The following HERPUD1 variants were observed in gnomAD, a reference collection of about 807,000 sequenced individuals.
The protein encoded by HERPUD1 is homocysteine-responsive endoplasmic reticulum-resident ubiquitin-like domain member 1 protein.
A neutral mutation model predicts 45.0 loss-of-function variants in HERPUD1; 17 were observed. The ratio of observed to expected loss-of-function variants is 0.38; its 90% CI spans 0.26 to 0.57. The LOEUF is 0.57. Ranked by LOEUF, HERPUD1 falls within the 20% of genes least tolerant of loss-of-function variation. The probability of loss-of-function intolerance (pLI) is 0.72; values close to 1 mark genes in which losing one functional copy is unlikely to be tolerated. For synonymous variants in HERPUD1, 164 were observed against 177.5 expected (o/e 0.92, Z 0.61); for missense variants, 420 against 490.5 (o/e 0.86, Z 1.36).
chr16:56,935,056 A>AC (rs2055855417), intron 1 of HERPUD1, 179 bp from the exon 2 acceptor site: 6 of 585,766 alleles, frequency 1.0e-5, no homozygotes, highest in African/African-American at 5.6e-5. Flanking sequence ...GAGACCAGTT[A>AC]AAGTTAAGAC....
At chr16:56,942,020 T>C in intron 6 of HERPUD1, 112 bp from the exon 7 acceptor site, 1 of 788,452 alleles carries the variant, frequency 1.3e-6, no homozygotes. Flanking sequence ...AGATGGGTCT[T>C]GCAGTGAGCT....
intron 5 of HERPUD1, 121 bp from the exon 6 acceptor site, chr16:56,939,774 A>G: frequency 1.4e-6 from 1 of 729,308 alleles, no homozygotes; most frequent in Non-Finnish European, 2.2e-6. Context: ...AATTGAAGAA[A>G]AATCAAAGGC....
Position 56,935,416 on chromosome 16 carries a change from G to A in HERPUD1, c.241G>A (p.Val81Ile). 1 of 1,614,172 alleles carries A rather than the reference G, an allele frequency of 6.2e-7. No homozygotes were observed. The highest frequency in any genetic ancestry group is 8.5e-7 in the Non-Finnish European group (1 of 1,180,028). Reference sequence around the variant, plus strand: ...TTACTTTTAGCAGGAAAAACGGCATGTTTTGCATCTGGTGTGCAATGTGAA... The same window carrying A: ...TTACTTTTAGCAGGAAAAACGGCATATTTTGCATCTGGTGTGCAATGTGAA... ...DLLPKQEKRH[V>I]LHLVCNVKSP... Residue 81 changes from valine to isoleucine, a missense_variant, in exon 3 of 8, where the codon GTT becomes ATT. Coordinates refer to ENST00000439977, the MANE Select transcript of HERPUD1 (RefSeq NM_014685.4).
At chr16:56,933,689 T>G (rs2055844161) in intron 1 of HERPUD1, among the ~76,000 whole-genome samples, 1 of 152,250 alleles carries the variant, frequency 6.6e-6, no homozygotes, top group Non-Finnish European at 1.5e-5. Context: ...TTGTTTTCTG[T>G]AGTAGAAAAT....
At chr16:56,942,984 C>T in intron 7 of HERPUD1, 142 bp from the exon 8 acceptor site, 1 of 778,200 alleles carries the variant, frequency 1.3e-6, no homozygotes, top group Non-Finnish European at 2.1e-6. Flanking sequence ...GCATCATTCC[C>T]TGGGGTCCTG....
intron 6 of HERPUD1, chr16:56,940,526 G>A (rs1310792553): frequency 2.1e-5 from 7 of 328,722 alleles, no homozygotes; most frequent in Middle Eastern, 9.3e-4. Flanking sequence ...AGGTGGTCTC[G>A]AACTCCTGAC....
chr16:56,938,730 G>A (rs2055886099), intron 4 of HERPUD1, among the ~76,000 whole-genome samples: 1 of 152,154 alleles, frequency 6.6e-6, no homozygotes, highest in African/African-American at 2.4e-5. Flanking sequence ...CCAGCAGCCT[G>A]TACAGGACCC....
chr16:56,942,102 A>G (rs746415766), intron 6 of HERPUD1, 30 bp from the exon 7 acceptor site: 1 of 1,564,808 alleles, frequency 6.4e-7, no homozygotes, highest in South Asian at 1.1e-5. Context: ...GACATCAGCT[A>G]AGATGGACTT....
chr16:56,941,924 A>T, intron 6 of HERPUD1: 1 of 520,270 alleles, frequency 1.9e-6, no homozygotes, highest in South Asian at 2.4e-5. Context: ...TGGGTGTGCA[A>T]TGATGAATAA....
rs530227711 is a variant in HERPUD1, at chr16:56,933,221, G to A, written c.147+830G>A. 28 of 455,578 alleles carry A rather than the reference G, an allele frequency of 6.1e-5. 1 individual carries two copies. The Admixed American group carries it at 6.6e-4, about 11-fold the overall frequency. 28.2% of individuals were successfully genotyped at this position (455,578 alleles called of 1,614,324 possible). On this transcript the variant is annotated intron_variant, in intron 1 of 7. Transcript: ENST00000439977. ...ATAATTCTTCATCACACAGGAGAGG[G>A]CATCCGGGCAGGAAAAGATAGTGAA...
intron 1 of HERPUD1, chr16:56,934,856 C>G: frequency 4.5e-6 from 1 of 221,816 alleles, no homozygotes; most frequent in South Asian, 6.3e-5. Flanking sequence ...GGGTTACAGG[C>G]ACAAGCCACC....
intron 6 of HERPUD1, 191 bp from the exon 7 acceptor site, chr16:56,941,941 G>C (rs1413387188): frequency 1.8e-6 from 1 of 552,856 alleles, no homozygotes; most frequent in Non-Finnish European, 3.2e-6. Context: ...ATAAAACACA[G>C]TCCCTGCCTT....
Position 56,935,332 on chromosome 16 carries a change from A to G in HERPUD1, c.225+20A>G. On this transcript the variant is annotated intron_variant, in intron 2 of 7. Coordinates refer to ENST00000439977, the MANE Select transcript of HERPUD1 (RefSeq NM_014685.4). ...CCAAAGGTACATCACTTACACATTAACTTCTGAATGTTTTTAAGCACTCAC... is the reference window on the plus strand; with the variant it reads ...CCAAAGGTACATCACTTACACATTAGCTTCTGAATGTTTTTAAGCACTCAC... 1 of 1,612,204 alleles carries G rather than the reference A, an allele frequency of 6.2e-7. No individual in the cohort carries two copies. Among genetic ancestry groups the G allele is most frequent in the Non-Finnish European group, 8.5e-7 (1 of 1,178,278 alleles).
intron 4 of HERPUD1, among the ~76,000 whole-genome samples, chr16:56,937,919 G>C (rs2055878785): frequency 6.6e-6 from 1 of 151,806 alleles, no homozygotes; most frequent in South Asian, 2.1e-4. Context: ...ATAATTATTG[G>C]ATAGAAAATT....
At chr16:56,939,813 TA>T in intron 5 of HERPUD1, 81 bp from the exon 6 acceptor site, 1 of 1,071,078 alleles carries the variant, frequency 9.3e-7, no homozygotes, top group Non-Finnish European at 1.4e-6. Flanking sequence ...TTCTTAACAG[TA>T]AAAGACTGCT....
intron 4 of HERPUD1, among the ~76,000 whole-genome samples, chr16:56,938,900 A>G (rs1303729074): frequency 6.6e-6 from 1 of 152,182 alleles, no homozygotes; most frequent in Non-Finnish European, 1.5e-5. Flanking sequence ...TAAAAGATGA[A>G]CAGTGGGTTG....
Position 56,932,386 on chromosome 16 carries a change from C to A in HERPUD1, c.142C>A (p.Arg48Ser), listed in dbSNP as rs538168446. ...CCACCTGAGCCGCGTCTACCCCGAG[C>A]GTCCGGTGAGAGCGGCCCCGACTTC... ...KAHLSRVYPE[R>S]PRPEDQRLIY... Residue 48 changes from arginine to serine, a missense_variant, in exon 1 of 8, where the codon CGT (arginine) becomes AGT (serine). Arg to Ser is a moderately radical substitution (Grantham distance 110). Transcript: ENST00000439977. The A allele has an allele frequency of 1.7e-5, 27 of 1,584,432 alleles. 1 individual carries two copies. The South Asian group carries it at 2.7e-4, about 16-fold the overall frequency.
At chr16:56,935,587 A>C in intron 3 of HERPUD1, 112 bp downstream of exon 3, 1 of 872,694 alleles carries the variant, frequency 1.1e-6, no homozygotes, top group Non-Finnish European at 1.9e-6. Flanking sequence ...GTTATTACCA[A>C]GTAATATTTT....
chr16:56,936,730 A>C lies in HERPUD1; in HGVS notation c.344A>C (p.Gln115Pro). Residue 115 changes from glutamine (Q) to proline (P), a missense_variant, in exon 4 of 8, where the codon CAG (glutamine) becomes CCG (proline). Coordinates refer to ENST00000439977, the MANE Select transcript of HERPUD1 (RefSeq NM_014685.4). ...GAGCCTGCTGGTTCTAATCGGGGACAGTATCCTGAGGATTCCTCAAGTGAT... is the reference window on the plus strand; with the variant it reads ...GAGCCTGCTGGTTCTAATCGGGGACCGTATCCTGAGGATTCCTCAAGTGAT... ...TEEPAGSNRG[Q>P]YPEDSSSDGL... 2.5e-6 allele frequency: 4 copies of C among 1,613,934 alleles called. No homozygotes were observed. Among genetic ancestry groups the C allele is most frequent in the Non-Finnish European group, 3.4e-6 (4 of 1,179,892 alleles).
Sources: gnomAD v4.1 joint callset for allele counts (sites outside exome capture counted in the v4.1 genomes callset) on GRCh38, gnomAD v4.1.1 for gene constraint, MANE v1.5 for transcripts, NCBI Gene and HGNC (gene_info 2026-07-23, HGNC 2026-07-21) for gene names.